The following PTPDC1 variants were observed in gnomAD, a reference collection of about 807,000 sequenced individuals.
The protein encoded by PTPDC1 is protein tyrosine phosphatase domain containing 1, also known as protein tyrosine phosphatase domain-containing protein 1.
Under a neutral mutation model 75.3 loss-of-function variants are expected in PTPDC1, and 53 were observed. That is an observed-to-expected ratio of 0.70 (90% CI 0.56 to 0.88). The LOEUF is 0.88. Among genes scored for constraint, PTPDC1 ranks in the 40% least tolerant of loss-of-function variants. The pLI is 0.00. For missense variants in PTPDC1, 925 were observed against 998.6 expected (o/e 0.93, Z 0.99); for synonymous variants, 349 against 366.2 (o/e 0.95, Z 0.54).
intron 6 of PTPDC1, 42 bp from the exon 7 acceptor site, chr9:94,101,524 G>C (rs1326967443): frequency 1.3e-6 from 2 of 1,500,964 alleles, no homozygotes; most frequent in Admixed American, 1.7e-5. Flanking sequence ...TCCTCTCCCT[G>C]TCTCTGTCTC....
In PTPDC1 at chr9:94,084,605, C is replaced by T. The variant is rs1179588923; in HGVS notation, c.75C>T (p.His25=). 1 of 1,613,536 alleles carries T rather than the reference C, an allele frequency of 6.2e-7. No homozygotes were observed. The change falls in exon 1 of 9, where the codon CAC becomes CAT. Residue 25 remains histidine, a synonymous_variant. Coordinates refer to ENST00000620992, the MANE Select transcript of PTPDC1 (RefSeq NM_001253829.2). ...FLSSFLQGRR[H]STSDPVLRLQ... ...GCTCCTTTCTCCAGGGCCGCCGGCA[C>T]TCCACCTCAGACCCAGTACTGCGGC... is the stretch of plus-strand genomic sequence containing the variant.
intron 1 of PTPDC1, among the ~76,000 whole-genome samples, chr9:94,049,583 G>A (rs4406469): frequency 0.57 from 87,275 of 152,032 alleles, 25,435 homozygotes; most frequent in Admixed American, 0.69. Flanking sequence ...CGAGAGATCC[G>A]CTGTTAGTCT....
Position 94,068,465 on chromosome 9 carries a change from T to A in PTPDC1, c.82+3644T>A, listed in dbSNP as rs1192497444. Among the ~76,000 whole-genome samples the A allele has an allele frequency of 1.3e-5, 2 of 152,214 alleles. 1 individual carries two copies. The highest frequency in any genetic ancestry group is 2.9e-5 in the Non-Finnish European group (2 of 68,042). On this transcript the variant is annotated intron_variant, in intron 2 of 9. Coordinates refer to the PTPDC1 transcript ENST00000375360. ...TGTTTCCTCATGATAAGACTGAGAT[T>A]ATGCATTTTTGGTAGAAGGGTCACA... is the stretch of plus-strand genomic sequence containing the variant.
At chr9:94,049,812 C>G (rs1275245290) in intron 1 of PTPDC1, among the ~76,000 whole-genome samples, 2 of 152,202 alleles carry the variant, frequency 1.3e-5, no homozygotes, top group Non-Finnish European at 2.9e-5. Flanking sequence ...AGAGTGTTTT[C>G]CAACTTGGTT....
chr9:94,076,029 C>T (rs546220673), intron 2 of PTPDC1, among the ~76,000 whole-genome samples: 1 of 152,176 alleles, frequency 6.6e-6, no homozygotes, highest in Non-Finnish European at 1.5e-5. Flanking sequence ...GACGGAGTTT[C>T]GCTCTTGTTG....
In PTPDC1 at chr9:94,061,977, C is replaced by G. The variant is rs549420859; in HGVS notation, c.-6-2757C>G. On this transcript the variant is annotated intron_variant, in intron 1 of 9. Coordinates refer to the PTPDC1 transcript ENST00000375360. ...GTAAATGGACTTTTCTTTTCTACCACATGGCCAGGCTGCAAATTTTCCAAA... is the reference window on the plus strand; with the variant it reads ...GTAAATGGACTTTTCTTTTCTACCAGATGGCCAGGCTGCAAATTTTCCAAA... Among the ~76,000 whole-genome samples the G allele has an allele frequency of 1.2e-4, 18 of 152,358 alleles. No individual in the cohort carries two copies. In the East Asian group the frequency reaches 2.7e-3, roughly 23 times the overall value.
intron 8 of PTPDC1, 108 bp from the exon 9 acceptor site, chr9:94,107,720 G>T: frequency 1.9e-6 from 1 of 536,512 alleles, no homozygotes; most frequent in Admixed American, 3.6e-5. Flanking sequence ...TTTATATAGA[G>T]TTTTGTTTGT....
chr9:94,107,732 A>C (rs1414053402), intron 8 of PTPDC1, 96 bp from the exon 9 acceptor site: 1 of 568,044 alleles, frequency 1.8e-6, no homozygotes, highest in Non-Finnish European at 3.1e-6. Context: ...TTTGTTTGTA[A>C]GTCTGTTTTT....
Position 94,086,210 on chromosome 9 carries a change from A to C in PTPDC1, c.416+788A>C, listed in dbSNP as rs193174675. Among the ~76,000 whole-genome samples the C allele has an allele frequency of 8.7e-3, 1,320 of 152,336 alleles. 16 individuals carry two copies. Among genetic ancestry groups the C allele is most frequent in the Non-Finnish European group, 0.012 (800 of 68,036 alleles). On this transcript the variant is annotated intron_variant, in intron 2 of 8. Coordinates refer to ENST00000620992, the MANE Select transcript of PTPDC1 (RefSeq NM_001253829.2). Reference sequence around the variant, plus strand: ...TTGCTCAGTACATCTGTAGTGATATAGTCTGGGGTCCACTGTCATTATTGT... The same window carrying C: ...TTGCTCAGTACATCTGTAGTGATATCGTCTGGGGTCCACTGTCATTATTGT...
intron 4 of PTPDC1, among the ~76,000 whole-genome samples, chr9:94,095,046 C>T (rs1479409386): frequency 6.6e-6 from 1 of 152,262 alleles, no homozygotes; most frequent in African/African-American, 2.4e-5. Context: ...TTCTGCGTCG[C>T]TCACGCTGGG....
At chr9:94,063,812 A>T (rs1422124538) in intron 1 of PTPDC1, among the ~76,000 whole-genome samples, 1 of 152,198 alleles carries the variant, frequency 6.6e-6, no homozygotes, top group Non-Finnish European at 1.5e-5. Context: ...CAAGAATTTC[A>T]ACAAGTTTTT....
At chr9:94,071,158 T>C (rs1262822401) in intron 2 of PTPDC1, among the ~76,000 whole-genome samples, 1 of 152,200 alleles carries the variant, frequency 6.6e-6, no homozygotes, top group African/African-American at 2.4e-5. Flanking sequence ...CAAGTTTCTC[T>C]ACATCCTCAC....
intron 2 of PTPDC1, among the ~76,000 whole-genome samples, chr9:94,069,637 C>T (rs1826442650): frequency 6.6e-6 from 1 of 150,908 alleles, no homozygotes; most frequent in Admixed American, 6.6e-5. Context: ...TCTCCTGCCT[C>T]AGCCTCCCAA....
intron 4 of PTPDC1, among the ~76,000 whole-genome samples, chr9:94,092,670 T>C (rs1366340088): frequency 1.3e-4 from 19 of 149,162 alleles, no homozygotes; most frequent in Admixed American, 6.7e-4. Flanking sequence ...ATCTGTCTAA[T>C]GTTGACAGTG....
intron 1 of PTPDC1, among the ~76,000 whole-genome samples, chr9:94,043,615 G>A (rs977269808): frequency 6.6e-6 from 1 of 152,106 alleles, no homozygotes; most frequent in Non-Finnish European, 1.5e-5. Context: ...CAGCTACTTA[G>A]GAGGCTGAGG....
chr9:94,107,991 C>T lies in PTPDC1; in HGVS notation c.*47C>T, dbSNP rs761716056. On this transcript the variant is annotated 3_prime_UTR_variant, in exon 9 of 9. Coordinates refer to ENST00000620992, the MANE Select transcript of PTPDC1 (RefSeq NM_001253829.2). ...TCAGACCTAAAGATCCAGATAGTATCTCTGTTCATATGTGAATAAGTTGAA... is the reference window on the plus strand; with the variant it reads ...TCAGACCTAAAGATCCAGATAGTATTTCTGTTCATATGTGAATAAGTTGAA... 1.7e-5 allele frequency: 19 copies of T among 1,147,218 alleles called. No homozygotes were observed. The highest frequency in any genetic ancestry group is 2.3e-5 in the Non-Finnish European group (19 of 810,220). 71.1% of individuals were successfully genotyped at this position (1,147,218 alleles called of 1,614,324 possible). A position where few individuals can be genotyped will look rare whatever the true frequency, so the allele number is the denominator to read the frequency against.
At chr9:94,042,754 A>G (rs1009973643) in intron 1 of PTPDC1, among the ~76,000 whole-genome samples, 3 of 152,192 alleles carry the variant, frequency 2.0e-5, no homozygotes, top group African/African-American at 7.2e-5. Context: ...TTTCTGTAGC[A>G]TGTGATGCTG....
chr9:94,051,741 C>T (rs1346170337), intron 1 of PTPDC1, among the ~76,000 whole-genome samples: 2 of 152,158 alleles, frequency 1.3e-5, no homozygotes, highest in East Asian at 1.9e-4. Context: ...TAATTAATCA[C>T]ATTTATAGGC....
At position 94,087,899 on chromosome 9, in the gene PTPDC1, A is replaced by G; in HGVS notation, c.485A>G (p.Asp162Gly). The change falls in exon 3 of 9, where the codon GAT (aspartate) becomes GGT (glycine). Residue 162 changes from aspartate (D) to glycine (G), a missense_variant. Coordinates refer to ENST00000620992, the MANE Select transcript of PTPDC1 (RefSeq NM_001253829.2). ...CTCCTGGAGAAGTACCACATCATTG[A>G]TCAGTTCCTCAGGTAAATGCTGTAT... Reference protein sequence around the residue: ...SELLEKYHIIDQFLSHGIKTI... With the variant: ...SELLEKYHIIGQFLSHGIKTI... The G allele has an allele frequency of 1.9e-6, 3 of 1,613,456 alleles. No homozygotes were observed. Among genetic ancestry groups the G allele is most frequent in the Non-Finnish European group, 2.5e-6 (3 of 1,179,428 alleles).
Sources: gnomAD v4.1 joint callset for allele counts (sites outside exome capture counted in the v4.1 genomes callset) on GRCh38, gnomAD v4.1.1 for gene constraint, MANE v1.5 for transcripts, NCBI Gene and HGNC (gene_info 2026-07-23, HGNC 2026-07-21) for gene names.